DOK6: variants seen among roughly 807,000 people sequenced by gnomAD.
The protein encoded by DOK6 is docking protein 6.
A neutral mutation model predicts 44.0 loss-of-function variants in DOK6; 22 were observed. That is an observed-to-expected ratio of 0.50 (90% CI 0.36 to 0.71). The LOEUF (loss-of-function observed/expected upper bound fraction) is 0.71. DOK6 is among the 30% of genes least tolerant of loss of function. DOK6 has a pLI of 0.00. For missense variants in DOK6, 340 were observed against 416.4 expected (o/e 0.82, Z 1.60); for synonymous variants, 166 against 145.5 (o/e 1.14, Z -1.01).
intron 5 of DOK6, among the ~76,000 whole-genome samples, chr18:69,737,122 C>T (rs138364989): frequency 3.7e-4 from 56 of 152,248 alleles, no homozygotes; most frequent in African/African-American, 1.3e-3. Flanking sequence ...CCCAAAAGAA[C>T]ACATTTTAAA....
intron 7 of DOK6, among the ~76,000 whole-genome samples, chr18:69,767,050 A>G (rs538123035): frequency 6.6e-6 from 1 of 152,108 alleles, no homozygotes; most frequent in East Asian, 1.9e-4. Flanking sequence ...AACATGGCAA[A>G]ACCCTGTCTC....
chr18:69,709,217 A>G (rs917990975), intron 5 of DOK6, among the ~76,000 whole-genome samples: 3 of 152,196 alleles, frequency 2.0e-5, no homozygotes, highest in African/African-American at 7.2e-5. Context: ...AACCACATGC[A>G]TTAGCCTCAC....
At chr18:69,504,171 G>A (rs895723974) in intron 1 of DOK6, among the ~76,000 whole-genome samples, 2 of 152,036 alleles carry the variant, frequency 1.3e-5, no homozygotes, top group Non-Finnish European at 2.9e-5. Context: ...AGCTAGATGA[G>A]TAGGTAACTT....
At chr18:69,603,411 C>G (rs1208383026) in intron 3 of DOK6, among the ~76,000 whole-genome samples, 1 of 152,122 alleles carries the variant, frequency 6.6e-6, no homozygotes, top group African/African-American at 2.4e-5. Flanking sequence ...AAAACCTATA[C>G]CAGAATCTGC....
At chr18:69,764,008 T>G (rs183862849) in intron 7 of DOK6, among the ~76,000 whole-genome samples, 24 of 152,304 alleles carry the variant, frequency 1.6e-4, no homozygotes, top group Admixed American at 1.3e-3. Context: ...GTCCCACATG[T>G]GAGCCCCATG....
intron 3 of DOK6, among the ~76,000 whole-genome samples, chr18:69,677,019 C>T (rs1422022870): frequency 6.6e-6 from 1 of 151,792 alleles, no homozygotes; most frequent in African/African-American, 2.4e-5. Context: ...TGGAATTTTC[C>T]AAAGAGAAGA....
At chr18:69,798,243 G>C (rs918354080) in intron 7 of DOK6, among the ~76,000 whole-genome samples, 26 of 152,016 alleles carry the variant, frequency 1.7e-4, no homozygotes, top group Admixed American at 1.7e-3. Context: ...TTGCAAGGAA[G>C]TGATTACCAT....
At chr18:69,609,483 C>CAATA (rs147856604) in intron 3 of DOK6, among the ~76,000 whole-genome samples, 2 of 145,530 alleles carry the variant, frequency 1.4e-5, no homozygotes, top group Non-Finnish European at 3.0e-5. Flanking sequence ...ATGGCTATTA[C>CAATA]AAGAAATAAA....
At chr18:69,401,483 G>A (rs546983461) in intron 1 of DOK6, among the ~76,000 whole-genome samples, 173 bp downstream of exon 1, 5 of 152,118 alleles carry the variant, frequency 3.3e-5, no homozygotes, top group African/African-American at 9.6e-5. Flanking sequence ...CCTGCCGGGG[G>A]GCTCCGCAGA....
chr18:69,706,255 T>C (rs1243088132), intron 5 of DOK6, among the ~76,000 whole-genome samples: 4 of 152,150 alleles, frequency 2.6e-5, no homozygotes, highest in Non-Finnish European at 5.9e-5. Context: ...TGGGGGTGCA[T>C]CTCCCTTCAG....
At chr18:69,770,395 C>T (rs943763260) in intron 7 of DOK6, among the ~76,000 whole-genome samples, 3 of 152,050 alleles carry the variant, frequency 2.0e-5, no homozygotes, top group African/African-American at 4.8e-5. Context: ...AGAAAGAAAA[C>T]ATGTATAATC....
At chr18:69,417,807 T>C (rs1312634138) in intron 1 of DOK6, among the ~76,000 whole-genome samples, 1 of 152,136 alleles carries the variant, frequency 6.6e-6, no homozygotes, top group Non-Finnish European at 1.5e-5. Context: ...TCCCAAATGA[T>C]TAGTGATGTT....
At chr18:69,714,766 A>G (rs982280278) in intron 5 of DOK6, among the ~76,000 whole-genome samples, 2 of 152,202 alleles carry the variant, frequency 1.3e-5, no homozygotes, top group Non-Finnish European at 2.9e-5. Flanking sequence ...AATATTTAGC[A>G]ATATTTTCAT....
intron 2 of DOK6, among the ~76,000 whole-genome samples, chr18:69,576,149 G>A (rs934454227): frequency 2.0e-5 from 3 of 152,078 alleles, no homozygotes; most frequent in Admixed American, 6.6e-5. Context: ...CTCCTTTTAT[G>A]AGAAAGGCGA....
chr18:69,638,019 T>C (rs1984849564), intron 3 of DOK6, among the ~76,000 whole-genome samples: 1 of 152,186 alleles, frequency 6.6e-6, no homozygotes, highest in Admixed American at 6.5e-5. Context: ...CACTGCTGTT[T>C]GATAGAACTC....
intron 3 of DOK6, among the ~76,000 whole-genome samples, chr18:69,674,374 G>A (rs1985873738): frequency 6.6e-6 from 1 of 152,158 alleles, no homozygotes; most frequent in African/African-American, 2.4e-5. Flanking sequence ...AGAAAATCAT[G>A]AAAAGAATGA....
intron 1 of DOK6, among the ~76,000 whole-genome samples, chr18:69,449,334 G>A (rs985061108): frequency 1.3e-5 from 2 of 152,132 alleles, no homozygotes; most frequent in Non-Finnish European, 2.9e-5. Flanking sequence ...CTAATATGCA[G>A]AATTGAGGAA....
intron 7 of DOK6, among the ~76,000 whole-genome samples, chr18:69,787,591 T>C (rs1980469911): frequency 6.6e-6 from 1 of 152,214 alleles, no homozygotes; most frequent in Non-Finnish European, 1.5e-5. Flanking sequence ...GATACAGTTT[T>C]TTTAATTGTT....
At chr18:69,705,758 A>T (rs1986618694) in intron 5 of DOK6, among the ~76,000 whole-genome samples, 1 of 152,114 alleles carries the variant, frequency 6.6e-6, no homozygotes, top group South Asian at 2.1e-4. Context: ...TTGCTTGAAA[A>T]TTCTCAATTT....
Sources: gnomAD v4.1 joint callset for allele counts (sites outside exome capture counted in the v4.1 genomes callset) on GRCh38, gnomAD v4.1.1 for gene constraint, MANE v1.5 for transcripts, NCBI Gene and HGNC (gene_info 2026-07-23, HGNC 2026-07-21) for gene names.